HLCS: variants seen among roughly 807,000 people sequenced by gnomAD.
HLCS encodes the protein biotin--protein ligase.
HLCS carries 53 observed loss-of-function variants against 75.0 expected under a neutral mutation model. The ratio of observed to expected loss-of-function variants is 0.71; its 90% CI spans 0.57 to 0.89. The LOEUF (loss-of-function observed/expected upper bound fraction) is 0.89. Ranked by LOEUF, HLCS falls within the 40% of genes least tolerant of loss-of-function variation. HLCS has a pLI of 0.00. For missense variants in HLCS, 966 were observed against 1,074.0 expected (o/e 0.90, Z 1.41); for synonymous variants, 431 against 428.6 (o/e 1.01, Z -0.07).
At chr21:36,784,993 A>G (rs1353886445) in intron 6 of HLCS, among the ~76,000 whole-genome samples, 1 of 152,188 alleles carries the variant, frequency 6.6e-6, no homozygotes, top group Non-Finnish European at 1.5e-5. Context: ...AAGGTAACGA[A>G]TTCCTTCCTA....
chr21:36,941,867 C>T (rs370650883), intron 2 of HLCS, among the ~76,000 whole-genome samples: 3 of 152,194 alleles, frequency 2.0e-5, no homozygotes, highest in Admixed American at 2.0e-4. Flanking sequence ...ATTAGCTGGG[C>T]GTGCTGGCGG....
intron 6 of HLCS, among the ~76,000 whole-genome samples, chr21:36,872,810 A>C (rs1227200390): frequency 6.6e-6 from 1 of 152,210 alleles, no homozygotes; most frequent in Non-Finnish European, 1.5e-5. Context: ...AAGTCTGCAT[A>C]GACATGTATT....
intron 5 of HLCS, among the ~76,000 whole-genome samples, chr21:36,907,114 C>T (rs913754363): frequency 6.6e-6 from 1 of 152,144 alleles, no homozygotes; most frequent in African/African-American, 2.4e-5. Context: ...CTGAAACAAA[C>T]ATTCATATGC....
chr21:36,973,991 GAAAT>G (rs1253576427), intron 1 of HLCS: 6 of 126,560 alleles, frequency 4.7e-5, no homozygotes, highest in African/African-American at 1.1e-4. Context: ...AACTCCGTCT[GAAAT>G]AAATAAATAA....
chr21:36,959,919 C>T (rs1569251622), intron 2 of HLCS, among the ~76,000 whole-genome samples: 1 of 152,222 alleles, frequency 6.6e-6, no homozygotes, highest in African/African-American at 2.4e-5. Context: ...TTGCAGGCAA[C>T]AAGAAGGAGA....
rs544645045 is a variant in HLCS at position 36,766,858 on chromosome 21, TAC to T, written c.1960+358_1960+359del. Among the ~76,000 whole-genome samples, 15 of 152,032 alleles carry T rather than the reference TAC, an allele frequency of 9.9e-5. 1 individual carries two copies. The South Asian group carries it at 3.1e-3, about 32-fold the overall frequency. On this transcript the variant is annotated intron_variant, in intron 7 of 10. Coordinates refer to ENST00000674895, the MANE Select transcript of HLCS (RefSeq NM_001352514.2). ...AAAAGGCCTCCCACATGACGCTCAG[TAC>T]AGACACAGAAGGCTCCTTATGGAGA...
chr21:36,864,623 G>A (rs985098223), intron 6 of HLCS, among the ~76,000 whole-genome samples: 3 of 152,004 alleles, frequency 2.0e-5, no homozygotes, highest in Non-Finnish European at 4.4e-5. Context: ...AATTGATTCA[G>A]TTACAATTAC....
chr21:36,987,567 C>T (rs184216763), intron 1 of HLCS, among the ~76,000 whole-genome samples: 5 of 151,428 alleles, frequency 3.3e-5, no homozygotes, highest in Admixed American at 3.3e-4. Context: ...GAGCCGAGAT[C>T]ACACCACTGC....
chr21:36,934,799 T>C (rs2066805001), intron 4 of HLCS, among the ~76,000 whole-genome samples: 1 of 152,074 alleles, frequency 6.6e-6, no homozygotes, highest in Non-Finnish European at 1.5e-5. Context: ...AACCAGCCTG[T>C]GATAATATTT....
At position 36,784,479 on chromosome 21, in the gene HLCS, C is replaced by T. The variant is rs138613321; in HGVS notation, c.1893-17194G>A. Among the ~76,000 whole-genome samples the T allele has an allele frequency of 2.6e-3, 402 of 152,136 alleles. 5 individuals carry two copies. Among genetic ancestry groups the T allele is most frequent in the African/African-American group, 9.4e-3 (390 of 41,474 alleles). ...TACAGGCATGTGCCACCATGCTTGG[C>T]TAATTTTTGTATTTTTAGTAGAGAT... On this transcript the variant is annotated intron_variant, in intron 6 of 10. Transcript: ENST00000674895.
chr21:36,852,420 C>G (rs2063043179), intron 6 of HLCS, among the ~76,000 whole-genome samples: 1 of 152,188 alleles, frequency 6.6e-6, no homozygotes, highest in African/African-American at 2.4e-5. Flanking sequence ...CCATACCCAG[C>G]TTCCCAGGGG....
chr21:36,819,405 T>C (rs1197562816), intron 6 of HLCS, among the ~76,000 whole-genome samples: 1 of 152,238 alleles, frequency 6.6e-6, no homozygotes, highest in Admixed American at 6.5e-5. Flanking sequence ...TACTCTTCTG[T>C]ATGAATCGAA....
In HLCS at chr21:36,966,485, G is replaced by A. The variant is rs9979522; in HGVS notation, c.154C>T (p.Leu52=). ...AAQPPGARVC[L]SRGGRVFCVS... ...CAGAAGACGCGGCCGCCACGGCTCA[G>A]GCACACGCGGGCGCCCGGGGGCTGC... Residue 52 remains leucine (L), a synonymous_variant, in exon 1 of 11, where the codon CTG becomes TTG. Transcript: ENST00000674895. 1.0e-6 allele frequency: 1 copy of A among 976,840 alleles called. No homozygotes were observed. Among genetic ancestry groups the A allele is most frequent in the Non-Finnish European group, 1.2e-6 (1 of 828,858 alleles). 60.5% of individuals were successfully genotyped at this position (976,840 alleles called of 1,614,324 possible).
intron 6 of HLCS, among the ~76,000 whole-genome samples, chr21:36,780,125 C>T (rs540157783): frequency 7.2e-5 from 11 of 152,274 alleles, no homozygotes; most frequent in African/African-American, 1.9e-4. Flanking sequence ...TTAATATACC[C>T]GGGAACCACT....
chr21:36,941,686 AT>A (rs1427908482), intron 2 of HLCS, among the ~76,000 whole-genome samples: 1 of 152,062 alleles, frequency 6.6e-6, no homozygotes, highest in Admixed American at 6.6e-5. Context: ...CCTGACCAAC[AT>A]GGTGAAACCC....
intron 6 of HLCS, among the ~76,000 whole-genome samples, chr21:36,790,221 T>C (rs749385692): frequency 6.6e-5 from 10 of 152,114 alleles, no homozygotes; most frequent in Non-Finnish European, 8.8e-5. Context: ...CTAGCCAACA[T>C]GGTGAAACCC....
At chr21:36,768,749 C>T (rs879638426) in intron 6 of HLCS, among the ~76,000 whole-genome samples, 3 of 152,254 alleles carry the variant, frequency 2.0e-5, no homozygotes, top group Non-Finnish European at 4.4e-5. Context: ...TTCTCTTGGA[C>T]GCCATGAATA....
At chr21:36,787,020 A>T (rs1176347035) in intron 6 of HLCS, among the ~76,000 whole-genome samples, 1 of 152,196 alleles carries the variant, frequency 6.6e-6, no homozygotes, top group African/African-American at 2.4e-5. Flanking sequence ...GGGAGAATGA[A>T]GCTGGCCTTC....
At chr21:36,844,854 A>T (rs1293812592) in intron 6 of HLCS, among the ~76,000 whole-genome samples, 1 of 152,154 alleles carries the variant, frequency 6.6e-6, no homozygotes, top group Non-Finnish European at 1.5e-5. Context: ...GGTGCTCCCT[A>T]ATTACAACTG....
Sources: allele counts gnomAD v4.1 joint callset (sites outside exome capture counted in the v4.1 genomes callset), GRCh38; gene constraint gnomAD v4.1.1; transcripts MANE v1.5; gene names NCBI Gene and HGNC (gene_info 2026-07-23, HGNC 2026-07-21).